Variants in C16orf89 observed in about 807,000 individuals in gnomAD.
C16orf89 encodes the protein chromosome 16 open reading frame 89.
C16orf89 carries 57 observed loss-of-function variants against 41.5 expected under a neutral mutation model. That is an observed-to-expected ratio of 1.38 (90% CI 1.11 to 1.71). C16orf89 has a LOEUF of 1.71. Among genes scored for constraint, C16orf89 ranks in the 40% most tolerant of loss-of-function variants. C16orf89 has a pLI of 0.00. For missense variants in C16orf89, 575 were observed against 445.9 expected (o/e 1.29, Z -2.61); for synonymous variants, 223 against 190.6 (o/e 1.17, Z -1.40).
chr16:5,044,960 C>T, intron 7 of C16orf89: 3 of 1,191,496 alleles, frequency 2.5e-6, no homozygotes, highest in Non-Finnish European at 3.2e-6. Flanking sequence ...CCGCCAGCTG[C>T]TAAGGGCTCC....
At chr16:5,052,159 A>G (rs1464051449) in intron 6 of C16orf89, among the ~76,000 whole-genome samples, 1 of 152,004 alleles carries the variant, frequency 6.6e-6, no homozygotes, top group Non-Finnish European at 1.5e-5. Context: ...TGAGCTGCAT[A>G]GACATCTCTC....
rs1472061677 is a variant in C16orf89 at position 5,055,331 on chromosome 16, G to T, written c.783C>A (p.Gly261=). 1.2e-6 allele frequency: 2 copies of T among 1,611,752 alleles called. No homozygotes were observed. The highest frequency in any genetic ancestry group is 1.3e-5 in the African/African-American group (1 of 74,798). The part of the protein sequence containing the change: ...FMENIMFCGM[G]GFSDFYKLRW... ...GGAGCTTGTAGAAGTCGGAGAAGCC[G>T]CCCATTCCACAGAACATGACTGGAA... is the stretch of plus-strand genomic sequence containing the variant. Residue 261 remains glycine (G), a synonymous_variant, in exon 6 of 8, where the codon GGC becomes GGA. Transcript: ENST00000472572.
chr16:5,055,706 C>A (rs1187195973), intron 5 of C16orf89: 1 of 1,535,904 alleles, frequency 6.5e-7, no homozygotes, highest in South Asian at 1.2e-5. Flanking sequence ...CTGTGTAGAG[C>A]TCCGTCACTG....
chr16:5,047,613 G>A (rs558572114), intron 7 of C16orf89, among the ~76,000 whole-genome samples: 20 of 152,056 alleles, frequency 1.3e-4, no homozygotes, highest in African/African-American at 4.8e-4. Context: ...GACTACAGGC[G>A]TGTGCCACCA....
chr16:5,048,205 AT>A (rs1023808393), intron 6 of C16orf89, among the ~76,000 whole-genome samples: 15 of 151,256 alleles, frequency 9.9e-5, no homozygotes, highest in Non-Finnish European at 1.6e-4. Context: ...TTTAAAAAAA[AT>A]TTTTTTTTGG....
At chr16:5,048,641 A>G (rs1208268330) in intron 6 of C16orf89, among the ~76,000 whole-genome samples, 2 of 152,170 alleles carry the variant, frequency 1.3e-5, no homozygotes, top group East Asian at 3.8e-4. Flanking sequence ...GGAATCCTAC[A>G]TCTGAAAAGA....
intron 3 of C16orf89, among the ~76,000 whole-genome samples, chr16:5,059,322 C>T (rs35364823): frequency 0.15 from 23,181 of 150,632 alleles, 1,956 homozygotes; most frequent in East Asian, 0.31. Flanking sequence ...AAAAATTAGC[C>T]GGGCATGGTG....
Position 5,044,360 on chromosome 16 carries a change from T to G in C16orf89, c.1074A>C (p.Pro358=), listed in dbSNP as rs771204964. 1 of 1,606,692 alleles carries G rather than the reference T, an allele frequency of 6.2e-7. No homozygotes were observed. The highest frequency in any genetic ancestry group is 1.7e-5 in the Admixed American group (1 of 59,004). ...REPHPSTPPP[P]SSR ...GGAACCGTCCGTCTCAGCGGCTGCT[T>G]GGTGGTGGCGGTGTGGATGGGTGTG... Residue 358 remains proline, a synonymous_variant, in exon 8 of 8, where the codon CCA becomes CCC. Transcript: ENST00000472572.
intron 2 of C16orf89, 107 bp downstream of exon 2, chr16:5,062,318 A>G: frequency 8.9e-6 from 12 of 1,352,070 alleles, no homozygotes; most frequent in Admixed American, 2.7e-5. Flanking sequence ...TTGGTTACGG[A>G]CTGTCCCAGC....
chr16:5,046,934 C>G (rs73512376), intron 7 of C16orf89, among the ~76,000 whole-genome samples: 3,788 of 152,250 alleles, frequency 0.025, 141 homozygotes, highest in African/African-American at 0.086. Flanking sequence ...TGGGGCAGCT[C>G]TGGGAGCACT....
Position 5,057,405 on chromosome 16 carries a change from A to G in C16orf89, c.627+1088T>C, listed in dbSNP as rs112999888. ...TAGTGGTATATATATAGTGGTATAT[A>G]TATAGTGGCATATATATATAGTGTG... On this transcript the variant is annotated intron_variant, in intron 4 of 7. Coordinates refer to ENST00000472572, the MANE Select transcript of C16orf89 (RefSeq NM_001098514.3). Among the ~76,000 whole-genome samples, 1,425 of 148,148 alleles carry G rather than the reference A, an allele frequency of 9.6e-3. 23 individuals are homozygous for G. The highest frequency in any genetic ancestry group is 0.039 in the East Asian group (195 of 5,020).
intron 2 of C16orf89, among the ~76,000 whole-genome samples, chr16:5,061,679 G>C (rs530241787): frequency 6.6e-6 from 1 of 151,968 alleles, no homozygotes; most frequent in Non-Finnish European, 1.5e-5. Flanking sequence ...GAGAGGGTGG[G>C]GGACCTTAAA....
intron 6 of C16orf89, among the ~76,000 whole-genome samples, chr16:5,054,353 C>A (rs1431537762): frequency 6.6e-6 from 1 of 152,172 alleles, no homozygotes; most frequent in Admixed American, 6.6e-5. Context: ...TGTCACATGG[C>A]TGGGAAGTGG....
chr16:5,054,243 G>A (rs1277627618), intron 6 of C16orf89, among the ~76,000 whole-genome samples: 3 of 152,200 alleles, frequency 2.0e-5, no homozygotes, highest in Non-Finnish European at 4.4e-5. Context: ...TCTCCTTGCA[G>A]CTCAGGAAGG....
chr16:5,051,220 A>G lies in C16orf89; in HGVS notation c.869-3256T>C, dbSNP rs1428151850. 4.6e-5 allele frequency among the ~76,000 whole-genome samples: 7 copies of G among 152,338 alleles called. No homozygotes were observed. The East Asian group carries it at 1.3e-3, about 29-fold the overall frequency. On this transcript the variant is annotated intron_variant, in intron 6 of 7. Transcript: ENST00000472572. Reference sequence around the variant, plus strand: ...TTAGCCAGAGCAATTAAGCAAGAGAAACAAAAAAGGGCATCCAAATGAAAA... The same window carrying G: ...TTAGCCAGAGCAATTAAGCAAGAGAGACAAAAAAGGGCATCCAAATGAAAA...
chr16:5,063,456 C>T (rs1433614075), intron 1 of C16orf89, among the ~76,000 whole-genome samples: 1 of 152,182 alleles, frequency 6.6e-6, no homozygotes, highest in African/African-American at 2.4e-5. Flanking sequence ...GGTCCCCAAC[C>T]TCCAGTCCAT....
chr16:5,062,345 A>G, intron 2 of C16orf89, 80 bp downstream of exon 2: 1 of 1,468,708 alleles, frequency 6.8e-7, no homozygotes, highest in Non-Finnish European at 9.1e-7. Context: ...TTGCCCCAGG[A>G]GAGCCCACGC....
chr16:5,064,901 A>T (rs1956703768), intron 1 of C16orf89, among the ~76,000 whole-genome samples: 1 of 152,158 alleles, frequency 6.6e-6, no homozygotes, highest in Non-Finnish European at 1.5e-5. Flanking sequence ...AATGGGTGTA[A>T]CCTCAGGGAT....
chr16:5,055,386 C>T, intron 5 of C16orf89, 36 bp from the exon 6 acceptor site: 1 of 1,516,382 alleles, frequency 6.6e-7, no homozygotes, highest in East Asian at 2.4e-5. Context: ...GCAGGCCTGC[C>T]CCCCAGGCCC....
Sources: allele counts gnomAD v4.1 joint callset (sites outside exome capture counted in the v4.1 genomes callset), GRCh38; gene constraint gnomAD v4.1.1; transcripts MANE v1.5; gene names NCBI Gene and HGNC (gene_info 2026-07-23, HGNC 2026-07-21).